Variants in EAF2 observed in about 807,000 individuals in gnomAD.
EAF2 encodes ELL-associated factor 2.
EAF2 carries 29 observed loss-of-function variants against 29.4 expected under a neutral mutation model. The observed-to-expected ratio is 0.99, with a 90% CI of 0.73 to 1.35. The LOEUF is 1.35. EAF2 is among the 40% of genes most tolerant of loss of function. EAF2 has a pLI of 0.00. For synonymous variants in EAF2, 103 were observed against 102.5 expected (o/e 1.00, Z -0.03); for missense variants, 292 against 312.0 (o/e 0.94, Z 0.48).
chr3:121,884,369 G>A (rs796295184), intron 5 of EAF2, among the ~76,000 whole-genome samples: 14 of 150,310 alleles, frequency 9.3e-5, no homozygotes, highest in African/African-American at 2.9e-4. Flanking sequence ...AAATGAAAGT[G>A]ATGAGATGGT....
At position 121,841,533 on chromosome 3, in the gene EAF2, AAAAAAAAAAAG is replaced by A. The variant is rs1559816503; in HGVS notation, c.107-2916_107-2906del. On this transcript the variant is annotated intron_variant, in intron 1 of 5. Transcript: ENST00000273668. The stretch of plus-strand genomic sequence containing the variant: ...AAAAAAAAAAAAAAAAAAAAAAAAA[AAAAAAAAAAAG>A]AAAGAAAGAAAGAAAAAAGATAGAA... Among the ~76,000 whole-genome samples, 49 of 26,636 alleles carry A rather than the reference AAAAAAAAAAAG, an allele frequency of 1.8e-3. 3 individuals carry two copies. Among genetic ancestry groups the A allele is most frequent in the African/African-American group, 4.9e-3 (25 of 5,062 alleles). 17.5% of individuals were successfully genotyped at this position (26,636 alleles called of 152,430 possible).
chr3:121,848,449 T>G (rs1708569643), intron 2 of EAF2, among the ~76,000 whole-genome samples: 1 of 152,218 alleles, frequency 6.6e-6, no homozygotes, highest in African/African-American at 2.4e-5. Flanking sequence ...TGTATTCTGC[T>G]GCTGTGTGTT....
intron 1 of EAF2, 131 bp from the exon 2 acceptor site, chr3:121,844,322 A>G: frequency 1.8e-6 from 1 of 569,796 alleles, no homozygotes; most frequent in Middle Eastern, 4.7e-4. Context: ...TTCATTTGTA[A>G]TATGAATACT....
rs869127997 is a variant in EAF2 at position 121,840,509 on chromosome 3, G to GA, written c.107-3932dup. Among the ~76,000 whole-genome samples, 187 of 55,732 alleles carry GA rather than the reference G, an allele frequency of 3.4e-3. 4 individuals are homozygous for GA. The highest frequency in any genetic ancestry group is 0.015 in the Middle Eastern group (1 of 66). 36.6% of individuals were successfully genotyped at this position (55,732 alleles called of 152,430 possible). A position where few individuals can be genotyped will look rare whatever the true frequency, so the allele number is the denominator to read the frequency against. ...CGTCTAAAAAAAAAAAAAAAAAAAAGAAAAAAAAAAAACGGGCCGGGTGCG... is the reference window on the plus strand; with the variant it reads ...CGTCTAAAAAAAAAAAAAAAAAAAAGAAAAAAAAAAAAACGGGCCGGGTGCG... On this transcript the variant is annotated intron_variant, in intron 1 of 5. Transcript: ENST00000273668.
At chr3:121,872,103 T>G (rs1394631703) in intron 4 of EAF2, among the ~76,000 whole-genome samples, 1 of 151,894 alleles carries the variant, frequency 6.6e-6, no homozygotes, top group African/African-American at 2.4e-5. Flanking sequence ...TATAGATGCT[T>G]CATCAAAATG....
intron 4 of EAF2, among the ~76,000 whole-genome samples, chr3:121,859,635 C>T (rs939123750): frequency 9.2e-5 from 14 of 152,156 alleles, no homozygotes; most frequent in South Asian, 4.1e-4. Context: ...ATTTGACTTC[C>T]TCTTTTCCCA....
intron 1 of EAF2, among the ~76,000 whole-genome samples, chr3:121,838,903 A>G (rs1708354307): frequency 6.6e-6 from 1 of 152,226 alleles, no homozygotes; most frequent in Non-Finnish European, 1.5e-5. Context: ...CAGGCTATAT[A>G]ATATGAGGAG....
chr3:121,848,942 A>G lies in EAF2; in HGVS notation c.201+4395A>G, dbSNP rs74638448. 3.6e-3 allele frequency among the ~76,000 whole-genome samples: 544 copies of G among 152,282 alleles called. 4 individuals carry two copies. Among genetic ancestry groups the G allele is most frequent in the African/African-American group, 0.013 (521 of 41,558 alleles). On this transcript the variant is annotated intron_variant, in intron 2 of 5. Coordinates refer to ENST00000273668, the MANE Select transcript of EAF2 (RefSeq NM_018456.6). ...TTAGATCACCATCTGTCAAAAGCAA[A>G]TATTGTTTCTCCTGGGTATGTAGTC...
chr3:121,881,523 T>A (rs1258249264), intron 5 of EAF2, among the ~76,000 whole-genome samples: 1 of 152,094 alleles, frequency 6.6e-6, no homozygotes, highest in Non-Finnish European at 1.5e-5. Flanking sequence ...TATTATTATT[T>A]TTTGGAGACA....
intron 1 of EAF2, among the ~76,000 whole-genome samples, chr3:121,838,570 A>G (rs1177524446): frequency 6.6e-6 from 1 of 152,220 alleles, no homozygotes; most frequent in Non-Finnish European, 1.5e-5. Context: ...AAATAGATTC[A>G]GAATAGTTTT....
intron 5 of EAF2, among the ~76,000 whole-genome samples, chr3:121,885,107 C>T (rs1300454364): frequency 6.6e-6 from 1 of 152,126 alleles, no homozygotes; most frequent in East Asian, 1.9e-4. Context: ...TGTGATTTTT[C>T]TTCTACAACC....
chr3:121,855,011 G>C (rs191214144), intron 3 of EAF2, among the ~76,000 whole-genome samples, 188 bp downstream of exon 3: 2 of 152,132 alleles, frequency 1.3e-5, no homozygotes, highest in African/African-American at 2.4e-5. Context: ...ATTACCCTGT[G>C]ATATATAAAA....
At chr3:121,870,601 G>A (rs939068319) in intron 4 of EAF2, among the ~76,000 whole-genome samples, 1 of 152,106 alleles carries the variant, frequency 6.6e-6, no homozygotes, top group African/African-American at 2.4e-5. Flanking sequence ...GAAATGAAAA[G>A]CCTAGCTACA....
chr3:121,884,868 C>T (rs1042775944), intron 5 of EAF2, among the ~76,000 whole-genome samples: 3 of 152,114 alleles, frequency 2.0e-5, no homozygotes, highest in African/African-American at 4.8e-5. Flanking sequence ...TTTTTGATTG[C>T]GGATTAGTTA....
intron 3 of EAF2, among the ~76,000 whole-genome samples, chr3:121,855,609 G>A (rs1708705411): frequency 6.6e-6 from 1 of 152,144 alleles, no homozygotes; most frequent in Admixed American, 6.5e-5. Flanking sequence ...CCAGAAGAAA[G>A]TTTGTGCAAT....
chr3:121,869,823 A>C (rs532463489), intron 4 of EAF2, among the ~76,000 whole-genome samples: 2 of 152,226 alleles, frequency 1.3e-5, no homozygotes, highest in South Asian at 4.1e-4. Flanking sequence ...CAAGAGGTTG[A>C]GGCTGCAGTG....
chr3:121,883,947 G>A (rs1309438564), intron 5 of EAF2, among the ~76,000 whole-genome samples: 3 of 152,134 alleles, frequency 2.0e-5, no homozygotes, highest in African/African-American at 4.8e-5. Flanking sequence ...CTCTGAGTAC[G>A]TTTGGGTTTG....
intron 5 of EAF2, among the ~76,000 whole-genome samples, chr3:121,880,116 C>A (rs1458518537): frequency 6.6e-6 from 1 of 151,428 alleles, no homozygotes; most frequent in African/African-American, 2.4e-5. Flanking sequence ...AAATTTATTC[C>A]TAGGTTTGTT....
intron 4 of EAF2, among the ~76,000 whole-genome samples, chr3:121,871,930 T>A (rs979078659): frequency 1.3e-5 from 2 of 151,884 alleles, no homozygotes; most frequent in East Asian, 1.9e-4. Flanking sequence ...CCAACTATAA[T>A]TTTTTTGTGT....
Sources: gnomAD v4.1 joint callset for allele counts (sites outside exome capture counted in the v4.1 genomes callset) on GRCh38, gnomAD v4.1.1 for gene constraint, MANE v1.5 for transcripts, NCBI Gene and HGNC (gene_info 2026-07-23, HGNC 2026-07-21) for gene names.